ABHD2: variants seen among roughly 807,000 people sequenced by gnomAD.
The protein encoded by ABHD2 is monoacylglycerol lipase ABHD2.
A neutral mutation model predicts 48.1 loss-of-function variants in ABHD2; 20 were observed. That is an observed-to-expected ratio of 0.42 (90% CI 0.29 to 0.60). The LOEUF (loss-of-function observed/expected upper bound fraction) is 0.60. Ranked by LOEUF, ABHD2 falls within the 20% of genes least tolerant of loss-of-function variation. The pLI is 0.24. For synonymous variants in ABHD2, 209 were observed against 214.2 expected (o/e 0.98, Z 0.21); for missense variants, 405 against 550.9 (o/e 0.74, Z 2.65).
intron 3 of ABHD2, among the ~76,000 whole-genome samples, chr15:89,123,598 T>C (rs75818332): frequency 1.0e-4 from 13 of 125,016 alleles, no homozygotes; most frequent in South Asian, 2.4e-4. Flanking sequence ...TCTTTCTTTT[T>C]TTTTTTTTTT....
chr15:89,112,654 C>T (rs562222658), intron 1 of ABHD2, among the ~76,000 whole-genome samples: 2 of 152,338 alleles, frequency 1.3e-5, no homozygotes, highest in East Asian at 3.9e-4. Context: ...AGAAATTGGG[C>T]TTGAATCCCA....
At chr15:89,061,831 C>A in the ABHD2 span, among the ~76,000 whole-genome samples, 1 of 152,152 alleles carries the variant, frequency 6.6e-6, no homozygotes, top group African/African-American at 2.4e-5. Flanking sequence ...GCCTCAGCCT[C>A]CCAAAGTGCT....
At position 89,151,157 on chromosome 15, in the gene ABHD2, C is replaced by G. The variant is rs539346523; in HGVS notation, c.195-520C>G. Among the ~76,000 whole-genome samples the G allele has an allele frequency of 6.6e-6, 1 of 152,356 alleles. No individual in the cohort carries two copies. Among genetic ancestry groups the G allele is most frequent in the Admixed American group, 6.5e-5 (1 of 15,304 alleles). ...GTGCCCTCACCCCACAAGGCACTTA[C>G]AGGCTCTTAGAAGAATTTGCAGCCC... On this transcript the variant is annotated intron_variant, in intron 3 of 10. Transcript: ENST00000352732. This position sits in a 1 kb window ranked among gnomAD's most constrained non-coding sequence, Gnocchi z 4.7.
chr15:89,057,080 A>AT, the ABHD2 span, among the ~76,000 whole-genome samples: 8 of 151,706 alleles, frequency 5.3e-5, no homozygotes, highest in African/African-American at 1.9e-4. Flanking sequence ...CGCCCGGCTA[A>AT]TTTTTTGTAT....
intron 5 of ABHD2, among the ~76,000 whole-genome samples, chr15:89,169,901 G>C (rs1222727016): frequency 3.3e-5 from 5 of 151,890 alleles, no homozygotes; most frequent in Non-Finnish European, 5.9e-5. Flanking sequence ...TAGACCCCCA[G>C]TTTTTCTCCC....
the ABHD2 span, among the ~76,000 whole-genome samples, chr15:89,042,190 G>A: frequency 6.6e-6 from 1 of 152,182 alleles, no homozygotes. Flanking sequence ...GTAACCTGCT[G>A]AAGAACATGC....
At chr15:89,181,585 A>G (rs940582538) in intron 6 of ABHD2, among the ~76,000 whole-genome samples, 3 of 151,986 alleles carry the variant, frequency 2.0e-5, no homozygotes, top group African/African-American at 7.3e-5. Context: ...CTCATTCTCC[A>G]TATTTTTTCA....
chr15:89,111,537 C>G (rs1186385340), intron 1 of ABHD2, among the ~76,000 whole-genome samples: 3 of 152,188 alleles, frequency 2.0e-5, no homozygotes, highest in African/African-American at 4.8e-5. Context: ...ACTTCAAGGT[C>G]ACTTCATGGC....
chr15:89,178,817 A>G (rs1300409909), intron 6 of ABHD2, among the ~76,000 whole-genome samples: 1 of 152,202 alleles, frequency 6.6e-6, no homozygotes, highest in Non-Finnish European at 1.5e-5. Context: ...ACAGCCTTGA[A>G]CAAGGCTGAC....
chr15:89,154,109 G>C (rs2050634005), intron 4 of ABHD2, among the ~76,000 whole-genome samples: 1 of 152,168 alleles, frequency 6.6e-6, no homozygotes, highest in Admixed American at 6.5e-5. Context: ...GAGTCTTGCT[G>C]TGTTGCCCTG....
intron 8 of ABHD2, 36 bp from the exon 9 acceptor site, chr15:89,191,044 T>C (rs2051294737): frequency 6.2e-7 from 1 of 1,602,096 alleles, no homozygotes; most frequent in Non-Finnish European, 8.5e-7. Context: ...CAATGTTTTG[T>C]CCTTTTTCTT....
the ABHD2 span, among the ~76,000 whole-genome samples, chr15:89,042,752 C>T: frequency 1.3e-5 from 2 of 151,802 alleles, no homozygotes; most frequent in African/African-American, 2.4e-5. Flanking sequence ...GTTCAAGTGA[C>T]TCTCATGCCT....
chr15:89,194,273 C>G (rs2238311), intron 10 of ABHD2, among the ~76,000 whole-genome samples: 1 of 151,838 alleles, frequency 6.6e-6, no homozygotes, highest in African/African-American at 2.4e-5. Flanking sequence ...CCGAGGTAGG[C>G]AGATCACTTG....
At chr15:89,163,302 C>T (rs184458607) in intron 5 of ABHD2, among the ~76,000 whole-genome samples, 5 of 152,338 alleles carry the variant, frequency 3.3e-5, no homozygotes, top group Admixed American at 3.3e-4. Flanking sequence ...ACAGATCTGC[C>T]TTGCACAGAA....
intron 3 of ABHD2, among the ~76,000 whole-genome samples, chr15:89,147,891 C>G (rs886520742): frequency 6.6e-6 from 1 of 151,152 alleles, no homozygotes; most frequent in Non-Finnish European, 1.5e-5. Context: ...CTGAAGTGGG[C>G]TGATCACCTG....
At chr15:89,112,429 G>T (rs989648328) in intron 1 of ABHD2, among the ~76,000 whole-genome samples, 5 of 152,182 alleles carry the variant, frequency 3.3e-5, no homozygotes, top group Non-Finnish European at 5.9e-5. Context: ...TGGCAGCCAA[G>T]CCTGTGGGGT....
At chr15:89,070,930 T>G in the ABHD2 span, among the ~76,000 whole-genome samples, 1 of 152,030 alleles carries the variant, frequency 6.6e-6, no homozygotes, top group Non-Finnish European at 1.5e-5. Context: ...GGAAGGGCCT[T>G]CCTTTTCTAT....
chr15:89,175,143 C>T lies in ABHD2; in HGVS notation c.539-669C>T, dbSNP rs756038000. Among the ~76,000 whole-genome samples, 39 of 152,244 alleles carry T rather than the reference C, an allele frequency of 2.6e-4. No homozygotes were observed. Among genetic ancestry groups the T allele is most frequent in the Admixed American group, 2.0e-4 (3 of 15,284 alleles). On this transcript the variant is annotated intron_variant, in intron 5 of 10. Coordinates refer to ENST00000352732, the MANE Select transcript of ABHD2 (RefSeq NM_152924.5). The surrounding 1 kb of genome is among the most constrained non-coding windows in gnomAD (Gnocchi z 5.7). The stretch of plus-strand genomic sequence containing the variant: ...TACTTTTCTTAACACCATGAATCAT[C>T]ATACACATGGGTATAGCATCCCAAT...
At chr15:89,194,264 C>G (rs868372103) in intron 10 of ABHD2, among the ~76,000 whole-genome samples, 3 of 151,718 alleles carry the variant, frequency 2.0e-5, no homozygotes, top group Non-Finnish European at 4.4e-5. Flanking sequence ...TTTGGGAGGC[C>G]GAGGTAGGCA....
Sources: gnomAD v4.1 joint callset for allele counts (sites outside exome capture counted in the v4.1 genomes callset) on GRCh38, gnomAD v4.1.1 for gene constraint, Gnocchi (gnomAD v3.1) non-coding constraint, MANE v1.5 for transcripts, NCBI Gene and HGNC (gene_info 2026-07-23, HGNC 2026-07-21) for gene names.